The following SGCZ variants were observed in gnomAD, a reference collection of about 807,000 sequenced individuals.
The protein encoded by SGCZ is zeta-sarcoglycan.
A neutral mutation model predicts 41.3 loss-of-function variants in SGCZ; 40 were observed. The ratio of observed to expected loss-of-function variants is 0.97; its 90% confidence interval spans 0.75 to 1.26. The LOEUF (loss-of-function observed/expected upper bound fraction) is 1.26, where lower values mean the gene tolerates loss of function less well. Ranked by LOEUF, SGCZ falls within the 50% of genes most tolerant of loss-of-function variation. The pLI is 0.00. For synonymous variants in SGCZ, 206 were observed against 137.5 expected (o/e 1.50, Z -3.49); for missense variants, 552 against 369.8 (o/e 1.49, Z -4.04).
intron 1 of SGCZ, among the ~76,000 whole-genome samples, chr8:15,173,025 T>C (rs763633466): frequency 6.6e-6 from 1 of 152,234 alleles, no homozygotes; most frequent in Non-Finnish European, 1.5e-5. Flanking sequence ...ATTCACTAAT[T>C]ATAACATTCA....
At chr8:14,224,744 C>G (rs1353141224) in intron 4 of SGCZ, among the ~76,000 whole-genome samples, 6 of 151,988 alleles carry the variant, frequency 3.9e-5, no homozygotes, top group Non-Finnish European at 8.8e-5. Context: ...TGGAAGGAGG[C>G]CAGCAGGTCC....
At chr8:15,007,425 C>T (rs1254993540) in intron 1 of SGCZ, among the ~76,000 whole-genome samples, 2 of 152,140 alleles carry the variant, frequency 1.3e-5, no homozygotes, top group African/African-American at 2.4e-5. Context: ...AACTCTGATT[C>T]GAACTTTCTA....
rs570388770 is a variant in SGCZ, at chr8:14,882,905, A to G, written c.40-327979T>C. Among the ~76,000 whole-genome samples, 320 of 152,252 alleles carry G rather than the reference A, an allele frequency of 2.1e-3. 2 individuals carry two copies. Among genetic ancestry groups the G allele is most frequent in the Admixed American group, 4.2e-3 (64 of 15,268 alleles). ...TCTTCCCCCTCACCCAGAATTTAAC[A>G]AAATATATGGTGTGGAACAAGTGCA... On this transcript the variant is annotated intron_variant, in intron 1 of 7. Coordinates refer to ENST00000382080, the MANE Select transcript of SGCZ (RefSeq NM_139167.4).
At chr8:15,210,091 T>A (rs1311108983) in intron 1 of SGCZ, among the ~76,000 whole-genome samples, 1 of 152,176 alleles carries the variant, frequency 6.6e-6, no homozygotes, top group African/African-American at 2.4e-5. Flanking sequence ...ATTTTATGAT[T>A]CTAAGAGGAC....
chr8:14,685,638 G>C (rs1044379980), intron 1 of SGCZ, among the ~76,000 whole-genome samples: 1 of 151,908 alleles, frequency 6.6e-6, no homozygotes, highest in African/African-American at 2.4e-5. Context: ...CTACATATGA[G>C]TTATTAAATA....
chr8:14,822,594 G>C (rs1361202091), intron 1 of SGCZ, among the ~76,000 whole-genome samples: 1 of 152,028 alleles, frequency 6.6e-6, no homozygotes, highest in Non-Finnish European at 1.5e-5. Flanking sequence ...CAAAGCTATA[G>C]AAACCAAAAC....
intron 5 of SGCZ, among the ~76,000 whole-genome samples, chr8:14,135,898 C>T (rs1369471743): frequency 4.0e-5 from 6 of 151,772 alleles, no homozygotes; most frequent in East Asian, 3.9e-4. Flanking sequence ...TTCTACAAAA[C>T]GTTTATAAAA....
At chr8:15,160,719 C>T (rs1454471365) in intron 1 of SGCZ, among the ~76,000 whole-genome samples, 4 of 152,214 alleles carry the variant, frequency 2.6e-5, no homozygotes, top group Non-Finnish European at 4.4e-5. Flanking sequence ...TCTAAACTAA[C>T]TTTCCGATCT....
At chr8:14,222,775 C>T (rs1806242911) in intron 4 of SGCZ, among the ~76,000 whole-genome samples, 1 of 143,498 alleles carries the variant, frequency 7.0e-6, no homozygotes, top group African/African-American at 2.6e-5. Context: ...TAATTCCACC[C>T]TCTCTCAGTC....
rs113993588 is a variant in SGCZ at position 15,118,731 on chromosome 8, G to T, written c.39+118854C>A. ...TCCTGTCCAATTTGTGGTATATTAG[G>T]AAAAAAAAATAGAAAAGGCACCCTA... On this transcript the variant is annotated intron_variant, in intron 1 of 7. Coordinates refer to ENST00000382080, the MANE Select transcript of SGCZ (RefSeq NM_139167.4). Among the ~76,000 whole-genome samples, 186 of 150,618 alleles carry T rather than the reference G, an allele frequency of 1.2e-3. 1 individual carries two copies. The highest frequency in any genetic ancestry group is 4.6e-3 in the South Asian group (22 of 4,758).
At chr8:15,176,646 T>C (rs912672591) in intron 1 of SGCZ, among the ~76,000 whole-genome samples, 17 of 152,144 alleles carry the variant, frequency 1.1e-4, no homozygotes, top group African/African-American at 4.1e-4. Flanking sequence ...CTTAGAAAAA[T>C]TAACAAATAC....
intron 1 of SGCZ, among the ~76,000 whole-genome samples, chr8:14,692,915 C>A (rs1261044962): frequency 2.6e-5 from 4 of 152,086 alleles, no homozygotes; most frequent in African/African-American, 9.7e-5. Flanking sequence ...AATTCTAAAC[C>A]TTGATGGAAT....
chr8:15,017,420 C>T (rs549215928), intron 1 of SGCZ, among the ~76,000 whole-genome samples: 124 of 152,238 alleles, frequency 8.1e-4, no homozygotes, highest in Non-Finnish European at 1.4e-3. Context: ...TGCCCCTTAA[C>T]TTTTTGTAAA....
intron 2 of SGCZ, among the ~76,000 whole-genome samples, chr8:14,452,455 C>T (rs1471754037): frequency 2.0e-5 from 3 of 151,776 alleles, no homozygotes; most frequent in African/African-American, 7.3e-5. Flanking sequence ...TAAACTCCAG[C>T]CTGGGTGACA....
chr8:15,170,382 A>G (rs1311164479), intron 1 of SGCZ, among the ~76,000 whole-genome samples: 1 of 152,228 alleles, frequency 6.6e-6, no homozygotes, highest in Non-Finnish European at 1.5e-5. Context: ...AAAAGGAAAA[A>G]GCACAATTTC....
intron 1 of SGCZ, among the ~76,000 whole-genome samples, chr8:14,719,940 C>T (rs1411460775): frequency 6.6e-6 from 1 of 151,976 alleles, no homozygotes; most frequent in Non-Finnish European, 1.5e-5. Flanking sequence ...ATGCCTATGT[C>T]CTGAATGGTA....
intron 1 of SGCZ, among the ~76,000 whole-genome samples, chr8:15,060,671 A>T (rs1585522673): frequency 1.8e-4 from 1 of 5,430 alleles, no homozygotes; most frequent in African/African-American, 4.3e-4. Flanking sequence ...TTAAAGTATT[A>T]AAAAAAAAAA....
chr8:14,368,735 T>C (rs1225909224), intron 2 of SGCZ, among the ~76,000 whole-genome samples: 1 of 152,078 alleles, frequency 6.6e-6, no homozygotes, highest in East Asian at 1.9e-4. Flanking sequence ...GGTTTGTTTC[T>C]GTCTTCTGAG....
intron 3 of SGCZ, among the ~76,000 whole-genome samples, chr8:14,305,530 T>A (rs1379168255): frequency 6.6e-6 from 1 of 152,192 alleles, no homozygotes; most frequent in Admixed American, 6.5e-5. Context: ...ATAAAATTAA[T>A]CTTATTAAAT....
Sources: allele counts gnomAD v4.1 joint callset (sites outside exome capture counted in the v4.1 genomes callset), GRCh38; gene constraint gnomAD v4.1.1; transcripts MANE v1.5; gene names NCBI Gene and HGNC (gene_info 2026-07-23, HGNC 2026-07-21).